TCF7L2: variants seen among roughly 807,000 people sequenced by gnomAD.
TCF7L2 encodes the protein transcription factor 7-like 2.
In TCF7L2, 23 loss-of-function variants were observed where a neutral mutation model predicts 77.9. The observed-to-expected ratio is 0.30, with a 90% CI of 0.21 to 0.42. The LOEUF (loss-of-function observed/expected upper bound fraction) is 0.42. Ranked by LOEUF, TCF7L2 falls within the 10% of genes least tolerant of loss-of-function variation. The pLI is 1.00. For missense variants in TCF7L2, 654 were observed against 793.1 expected, an observed-to-expected ratio of 0.82 and a Z score of 2.11; for synonymous variants, 413 against 340.2, an observed-to-expected ratio of 1.21 and a Z score of -2.36.
intron 5 of TCF7L2, among the ~76,000 whole-genome samples, chr10:113,101,086 A>G (rs760270637): frequency 5.3e-5 from 8 of 152,206 alleles, no homozygotes; most frequent in South Asian, 4.1e-4. Flanking sequence ...AAGGGGGGAA[A>G]AAATCCATCC....
At chr10:113,082,820 C>T (rs1389787850) in intron 5 of TCF7L2, among the ~76,000 whole-genome samples, 1 of 151,946 alleles carries the variant, frequency 6.6e-6, no homozygotes, top group African/African-American at 2.4e-5. Flanking sequence ...GTGGACACAA[C>T]CCTTAGAAGT....
At chr10:113,077,477 C>G (rs945926070) in intron 5 of TCF7L2, among the ~76,000 whole-genome samples, 1 of 152,078 alleles carries the variant, frequency 6.6e-6, no homozygotes, top group Non-Finnish European at 1.5e-5. Context: ...TACCCATTAG[C>G]TCTCACTCCC....
intron 5 of TCF7L2, among the ~76,000 whole-genome samples, chr10:113,054,535 A>C (rs1207738335): frequency 1.3e-5 from 2 of 152,210 alleles, no homozygotes; most frequent in Non-Finnish European, 2.9e-5. Context: ...TCTCCAGGAC[A>C]GGAGAGATTG....
chr10:112,964,812 T>TGGTGGTGGTGATGGTGGTGGTGGTGGTGG (rs1564719427), intron 4 of TCF7L2, among the ~76,000 whole-genome samples, 188 bp downstream of exon 4: 4 of 38,296 alleles, frequency 1.0e-4, no homozygotes, highest in South Asian at 2.2e-3. Flanking sequence ...GTGGTGGTGG[T>TGGTGGTGGTGATGGTGGTGGTGGTGGTGG]GGGGGGGGGT....
At chr10:113,105,662 T>G (rs1017948811) in intron 5 of TCF7L2, among the ~76,000 whole-genome samples, 2 of 152,178 alleles carry the variant, frequency 1.3e-5, no homozygotes, top group African/African-American at 4.8e-5. Context: ...CAATTCTTGC[T>G]CATTCAACAT....
Position 113,167,199 on chromosome 10 carries a change from GT to G in TCF7L2, c.*1230del. The G allele has an allele frequency of 4.4e-6, 1 of 229,250 alleles. No individual in the cohort carries two copies. 14.2% of individuals were successfully genotyped at this position (229,250 alleles called of 1,614,324 possible). A position where few individuals can be genotyped will look rare whatever the true frequency, so the allele number is the denominator to read the frequency against. Reference sequence around the variant, plus strand: ...TTTAATGTCACCTATAACAAAATGTGTTTGGTAGCAGATTGTCCAGAAAGCA... The same window carrying G: ...TTTAATGTCACCTATAACAAAATGTGTTGGTAGCAGATTGTCCAGAAAGCA... On this transcript the variant is annotated 3_prime_UTR_variant, in exon 14 of 14. Coordinates refer to ENST00000627217, the MANE Select transcript of TCF7L2 (RefSeq NM_001146274.2).
At chr10:113,127,871 T>C (rs2065910761) in intron 5 of TCF7L2, among the ~76,000 whole-genome samples, 3 of 141,176 alleles carry the variant, frequency 2.1e-5, no homozygotes, top group African/African-American at 9.4e-5. Context: ...GCGTCCTTTT[T>C]TTTTTTTTTT....
At chr10:112,958,739 G>A (rs2034323216) in intron 3 of TCF7L2, among the ~76,000 whole-genome samples, 1 of 152,052 alleles carries the variant, frequency 6.6e-6, no homozygotes, top group African/African-American at 2.4e-5. Context: ...TCTTTGGGTG[G>A]GTTGGTTTGT....
intron 5 of TCF7L2, among the ~76,000 whole-genome samples, chr10:113,067,297 C>T (rs144481925): frequency 2.0e-4 from 30 of 152,300 alleles, no homozygotes; most frequent in African/African-American, 6.7e-4. Context: ...AAGAAATGAA[C>T]AGCAGACAAC....
intron 5 of TCF7L2, among the ~76,000 whole-genome samples, chr10:113,077,116 C>T (rs7094190): frequency 0.018 from 2,798 of 152,266 alleles, 90 homozygotes; most frequent in African/African-American, 0.063. Flanking sequence ...AATTTACATT[C>T]TTCCCTGAGT....
At chr10:113,105,277 C>T (rs1259664525) in intron 5 of TCF7L2, among the ~76,000 whole-genome samples, 1 of 152,138 alleles carries the variant, frequency 6.6e-6, no homozygotes, top group Non-Finnish European at 1.5e-5. Flanking sequence ...ACCGTCTAGC[C>T]AGGAGTAACG....
chr10:113,053,343 G>A (rs1363700766), intron 5 of TCF7L2, among the ~76,000 whole-genome samples: 2 of 152,162 alleles, frequency 1.3e-5, no homozygotes, highest in Admixed American at 6.5e-5. Flanking sequence ...ATGCCTATGT[G>A]AGTTTCCTCC....
chr10:113,099,829 C>T (rs1051837928), intron 5 of TCF7L2, among the ~76,000 whole-genome samples: 6 of 151,912 alleles, frequency 3.9e-5, no homozygotes, highest in African/African-American at 1.5e-4. Context: ...AGCAGTGACC[C>T]TGGGCAGAAA....
chr10:112,961,743 A>G (rs1312957780), intron 3 of TCF7L2, among the ~76,000 whole-genome samples: 1 of 150,524 alleles, frequency 6.6e-6, no homozygotes, highest in African/African-American at 2.4e-5. Context: ...TGACTTAGAC[A>G]CAGAATAAGC....
chr10:112,951,623 C>T lies in TCF7L2; in HGVS notation c.381+16C>T, dbSNP rs762072376. On this transcript the variant is annotated intron_variant, in intron 3 of 13. Coordinates refer to ENST00000627217, the MANE Select transcript of TCF7L2 (RefSeq NM_001146274.2). ...CGCCCGAACCGTAAGTGCCTCCGCG[C>T]CCGGCCCCCGCCCGCTGCCCGCCCG... The T allele has an allele frequency of 4.2e-6, 5 of 1,193,088 alleles. No homozygotes were observed. The highest frequency in any genetic ancestry group is 5.3e-6 in the Non-Finnish European group (5 of 940,058). The allele number at this position is 1,193,088 out of a possible 1,614,324, so 73.9% of individuals were successfully genotyped here. A position where few individuals can be genotyped will look rare whatever the true frequency, so the allele number is the denominator to read the frequency against.
At chr10:113,100,501 G>A (rs1361958333) in intron 5 of TCF7L2, among the ~76,000 whole-genome samples, 1 of 151,064 alleles carries the variant, frequency 6.6e-6, no homozygotes, top group Non-Finnish European at 1.5e-5. Context: ...TTTCTTATTT[G>A]GGTGACAGAT....
Position 113,167,427 on chromosome 10 carries a change from T to A in TCF7L2, c.*1455T>A. ...ACCTGTTCATTCAGTGCCATTGTAG[T>A]TGACATGAAGCGATTGTAAAACTGT... On this transcript the variant is annotated 3_prime_UTR_variant, in exon 14 of 14. Coordinates refer to ENST00000627217, the MANE Select transcript of TCF7L2 (RefSeq NM_001146274.2). 4.4e-6 allele frequency: 1 copy of A among 225,334 alleles called. No individual in the cohort carries two copies. The highest frequency in any genetic ancestry group is 8.8e-6 in the Non-Finnish European group (1 of 113,170). The allele number at this position is 225,334 out of a possible 1,614,324, so 14.0% of individuals were successfully genotyped here.
chr10:113,085,623 C>T (rs1326873374), intron 5 of TCF7L2, among the ~76,000 whole-genome samples: 2 of 152,174 alleles, frequency 1.3e-5, no homozygotes, highest in Admixed American at 6.5e-5. Flanking sequence ...AATATTACTA[C>T]GACTTTATGG....
At chr10:113,022,835 A>C (rs58446380) in intron 4 of TCF7L2, among the ~76,000 whole-genome samples, 1,550 of 152,186 alleles carry the variant, frequency 0.01, 31 homozygotes, top group African/African-American at 0.034. Flanking sequence ...AGGTGAGTTC[A>C]TTTGCCCAAG....
Sources: gnomAD v4.1 joint callset for allele counts (sites outside exome capture counted in the v4.1 genomes callset) on GRCh38, gnomAD v4.1.1 for gene constraint, MANE v1.5 for transcripts, NCBI Gene and HGNC (gene_info 2026-07-23, HGNC 2026-07-21) for gene names.